PTPRD: variants seen among roughly 807,000 people sequenced by gnomAD.
PTPRD encodes protein tyrosine phosphatase receptor type D, also known as receptor-type tyrosine-protein phosphatase delta.
A neutral mutation model predicts 214.5 loss-of-function variants in PTPRD; 34 were observed. That is an observed-to-expected ratio of 0.16 (90% CI 0.12 to 0.21). PTPRD has a LOEUF of 0.21. Ranked by LOEUF, PTPRD falls within the 10% of genes least tolerant of loss-of-function variation. The pLI is 1.00. For missense variants in PTPRD, 2,545 were observed against 2,398.7 expected, an observed-to-expected ratio of 1.06 and a Z score of -1.27; for synonymous variants, 1,128 against 845.7, an observed-to-expected ratio of 1.33 and a Z score of -5.79.
intron 2 of PTPRD, among the ~76,000 whole-genome samples, chr9:10,432,141 A>G (rs978678370): frequency 6.6e-6 from 1 of 151,874 alleles, no homozygotes; most frequent in Non-Finnish European, 1.5e-5. Context: ...TTGTAGGGAC[A>G]TGGATGAAAT....
intron 14 of PTPRD, among the ~76,000 whole-genome samples, chr9:8,610,587 C>T (rs1564701927): frequency 6.6e-6 from 1 of 152,120 alleles, no homozygotes; most frequent in African/African-American, 2.4e-5. Context: ...AGCAAAAAAG[C>T]TGCGAAAGTC....
At chr9:9,877,609 T>G (rs542609216) in intron 5 of PTPRD, among the ~76,000 whole-genome samples, 3 of 152,084 alleles carry the variant, frequency 2.0e-5, no homozygotes, top group Non-Finnish European at 4.4e-5. Context: ...AAAGAATTCT[T>G]AATTATTGTG....
intron 3 of PTPRD, among the ~76,000 whole-genome samples, chr9:10,171,736 G>A (rs1421146447): frequency 4.2e-4 from 64 of 152,090 alleles, no homozygotes; most frequent in Admixed American, 4.2e-3. Context: ...TGTTAACCAG[G>A]ATGGTCTCGA....
At chr9:8,594,844 CAT>C (rs2094380169) in intron 14 of PTPRD, among the ~76,000 whole-genome samples, 2 of 146,770 alleles carry the variant, frequency 1.4e-5, no homozygotes, top group South Asian at 4.3e-4. Context: ...AGAATGAAAT[CAT>C]ATATGTTTAA....
chr9:8,596,452 T>C (rs902313389), intron 14 of PTPRD, among the ~76,000 whole-genome samples: 3 of 152,058 alleles, frequency 2.0e-5, no homozygotes, highest in Non-Finnish European at 2.9e-5. Context: ...ATTGAGTTCA[T>C]GGTTCTATTT....
chr9:10,011,873 G>C (rs2096607139), intron 4 of PTPRD, among the ~76,000 whole-genome samples: 1 of 151,954 alleles, frequency 6.6e-6, no homozygotes, highest in Admixed American at 6.6e-5. Context: ...CAGTTTTGGA[G>C]GTAAGGATGC....
intron 11 of PTPRD, among the ~76,000 whole-genome samples, chr9:8,840,405 T>TC (rs2097535496): frequency 6.6e-6 from 1 of 152,230 alleles, no homozygotes; most frequent in African/African-American, 2.4e-5. Flanking sequence ...AGCTTGCTCC[T>TC]CCTTGCCTTC....
At chr9:10,107,469 G>C (rs531362962) in intron 3 of PTPRD, among the ~76,000 whole-genome samples, 1 of 152,038 alleles carries the variant, frequency 6.6e-6, no homozygotes, top group African/African-American at 2.4e-5. Context: ...GACCCCCAGA[G>C]TTTATTGATT....
At chr9:8,426,485 G>C (rs1210446045) in intron 35 of PTPRD, among the ~76,000 whole-genome samples, 3 of 152,152 alleles carry the variant, frequency 2.0e-5, no homozygotes, top group Non-Finnish European at 4.4e-5. Context: ...TGGTCTCTTG[G>C]AAGTTGAAAG....
intron 5 of PTPRD, among the ~76,000 whole-genome samples, chr9:9,894,054 A>T (rs888073119): frequency 6.6e-6 from 1 of 152,032 alleles, no homozygotes; most frequent in African/African-American, 2.4e-5. Flanking sequence ...GTTCAAATGT[A>T]CTTCCTGCCT....
intron 10 of PTPRD, among the ~76,000 whole-genome samples, chr9:9,123,445 T>G (rs540204036): frequency 6.6e-6 from 1 of 152,196 alleles, no homozygotes; most frequent in Admixed American, 6.5e-5. Flanking sequence ...GACAGCTACA[T>G]GCTATGGAAA....
chr9:9,733,265 G>A (rs2098231477), intron 7 of PTPRD, among the ~76,000 whole-genome samples: 1 of 152,188 alleles, frequency 6.6e-6, no homozygotes, highest in South Asian at 2.1e-4. Context: ...GAGGGATGCA[G>A]ACCCCAGTGG....
At chr9:8,768,978 A>G (rs2094977646) in intron 11 of PTPRD, among the ~76,000 whole-genome samples, 1 of 152,196 alleles carries the variant, frequency 6.6e-6, no homozygotes, top group South Asian at 2.1e-4. Flanking sequence ...CCGTGTTTCA[A>G]GGGTGTTTGT....
At chr9:9,593,744 G>A (rs113826749) in intron 7 of PTPRD, among the ~76,000 whole-genome samples, 1 of 151,990 alleles carries the variant, frequency 6.6e-6, no homozygotes, top group Non-Finnish European at 1.5e-5. Context: ...CTGAGGAAAT[G>A]CAGTCATTTT....
intron 9 of PTPRD, among the ~76,000 whole-genome samples, chr9:9,261,182 C>A (rs2099979954): frequency 6.6e-6 from 1 of 151,740 alleles, no homozygotes; most frequent in Non-Finnish European, 1.5e-5. Context: ...TGGCTGTTTT[C>A]TTAGCATGGG....
chr9:9,187,561 T>C (rs1287053026), intron 9 of PTPRD, among the ~76,000 whole-genome samples: 2 of 151,934 alleles, frequency 1.3e-5, no homozygotes, highest in Non-Finnish European at 2.9e-5. Context: ...TTAAATGGCA[T>C]AGCTTGTCTT....
chr9:9,305,255 T>A (rs967552849), intron 9 of PTPRD, among the ~76,000 whole-genome samples: 2 of 151,994 alleles, frequency 1.3e-5, no homozygotes, highest in Non-Finnish European at 2.9e-5. Context: ...ATTGTAGATA[T>A]TTACTTTTTT....
At chr9:10,432,454 T>G (rs2098689375) in intron 2 of PTPRD, among the ~76,000 whole-genome samples, 1 of 151,672 alleles carries the variant, frequency 6.6e-6, no homozygotes, top group Non-Finnish European at 1.5e-5. Context: ...AAAGAAAGGT[T>G]TCTTTCCAAG....
intron 4 of PTPRD, among the ~76,000 whole-genome samples, chr9:9,962,785 C>G (rs931479041): frequency 5.3e-5 from 8 of 152,018 alleles, no homozygotes; most frequent in Non-Finnish European, 1.0e-4. Context: ...ATTTATACAT[C>G]TGACTTAGAA....
Sources: allele counts gnomAD v4.1 joint callset (sites outside exome capture counted in the v4.1 genomes callset), GRCh38; gene constraint gnomAD v4.1.1; transcripts MANE v1.5; gene names NCBI Gene and HGNC (gene_info 2026-07-23, HGNC 2026-07-21).